DNAH9: variants seen among roughly 807,000 people sequenced by gnomAD.
The protein encoded by DNAH9 is DNAH9 variant protein.
DNAH9 carries 345 observed loss-of-function variants against 471.6 expected under a neutral mutation model. The observed-to-expected ratio is 0.73, with a 90% CI of 0.67 to 0.80. DNAH9 has a LOEUF of 0.80. Among genes scored for constraint, DNAH9 ranks in the 30% least tolerant of loss-of-function variants. The probability of loss-of-function intolerance (pLI) is 0.00; values close to 1 mark genes in which losing one functional copy is unlikely to be tolerated. For synonymous variants in DNAH9, 2,093 were observed against 2,123.6 expected, an observed-to-expected ratio of 0.99 and a Z score of 0.40; for missense variants, 5,407 against 5,609.2, an observed-to-expected ratio of 0.96 and a Z score of 1.15.
In DNAH9 at chr17:11,654,324, C is replaced by T. The variant is rs561358414; in HGVS notation, c.2595+1322C>T. ...TGAGCCGAGATTGCGCCACTGCACTCCAGCCTGGGCCACAGAGCGAGACTC... is the reference window on the plus strand; with the variant it reads ...TGAGCCGAGATTGCGCCACTGCACTTCAGCCTGGGCCACAGAGCGAGACTC... On this transcript the variant is annotated intron_variant, in intron 14 of 68. Transcript: ENST00000262442. Among the ~76,000 whole-genome samples the T allele has an allele frequency of 6.6e-4, 27 of 40,990 alleles. 4 individuals are homozygous for T. Among genetic ancestry groups the T allele is most frequent in the African/African-American group, 2.0e-3 (26 of 13,114 alleles). 26.9% of individuals were successfully genotyped at this position (40,990 alleles called of 152,430 possible).
At chr17:11,921,010 G>A (rs9893877) in intron 61 of DNAH9, among the ~76,000 whole-genome samples, 28,353 of 151,772 alleles carry the variant, frequency 0.19, 2,706 homozygotes, top group East Asian at 0.27. Flanking sequence ...TCATGGTGGC[G>A]GGCACCTGTA....
intron 31 of DNAH9, 129 bp downstream of exon 31, chr17:11,745,213 C>A: frequency 1.3e-6 from 1 of 759,576 alleles, no homozygotes; most frequent in Non-Finnish European, 2.1e-6. Flanking sequence ...AGTAATAACT[C>A]AATTCATTTC....
At chr17:11,922,290 A>C (rs1457688436) in intron 61 of DNAH9, among the ~76,000 whole-genome samples, 2 of 152,212 alleles carry the variant, frequency 1.3e-5, no homozygotes, top group Non-Finnish European at 2.9e-5. Flanking sequence ...AGTTCCTCTG[A>C]AACTAAATTT....
intron 12 of DNAH9, among the ~76,000 whole-genome samples, chr17:11,649,998 G>T (rs1252849117): frequency 6.6e-6 from 1 of 152,130 alleles, no homozygotes; most frequent in African/African-American, 2.4e-5. Context: ...ATGTTTTGTG[G>T]TTTTATGTTT....
chr17:11,948,930 GAAC>G (rs1338039437), intron 67 of DNAH9, among the ~76,000 whole-genome samples: 1 of 152,162 alleles, frequency 6.6e-6, no homozygotes, highest in African/African-American at 2.4e-5. Context: ...TCTGTGGACT[GAAC>G]GCCCGCTGCA....
intron 35 of DNAH9, among the ~76,000 whole-genome samples, chr17:11,758,090 TTGG>T (rs1967480052): frequency 6.6e-6 from 1 of 152,180 alleles, no homozygotes; most frequent in African/African-American, 2.4e-5. Context: ...ATGGCACTTA[TTGG>T]TGACCTGTGG....
At position 11,874,802 on chromosome 17, in the gene DNAH9, A is replaced by G. The variant is rs971194829; in HGVS notation, c.10243-147A>G. On this transcript the variant is annotated intron_variant, in intron 52 of 68. Coordinates refer to ENST00000262442, the MANE Select transcript of DNAH9 (RefSeq NM_001372.4). Reference sequence around the variant, plus strand: ...ACTTTAATAGAACCTGCTTCCAGAAATAATCACACAGCCAGAAAGGCATTC... The same window carrying G: ...ACTTTAATAGAACCTGCTTCCAGAAGTAATCACACAGCCAGAAAGGCATTC... The G allele has an allele frequency of 9.4e-6, 6 of 638,202 alleles. No individual in the cohort carries two copies. The East Asian group carries it at 1.1e-4, about 12-fold the overall frequency. The allele number at this position is 638,202 out of a possible 1,614,324, so 39.5% of individuals were successfully genotyped here.
intron 52 of DNAH9, among the ~76,000 whole-genome samples, chr17:11,872,692 G>A (rs1972320925): frequency 1.3e-5 from 2 of 152,012 alleles, no homozygotes; most frequent in Non-Finnish European, 2.9e-5. Context: ...AGGTTGAGGC[G>A]GGCGGATCAC....
chr17:11,763,649 A>G, intron 36 of DNAH9, 35 bp downstream of exon 36: 1 of 1,598,064 alleles, frequency 6.3e-7, no homozygotes, highest in Non-Finnish European at 8.5e-7. Context: ...AACCACACTG[A>G]AGTCTGTAGC....
intron 59 of DNAH9, among the ~76,000 whole-genome samples, chr17:11,897,649 CAT>C (rs752155521): frequency 3.9e-5 from 6 of 152,226 alleles, no homozygotes; most frequent in Non-Finnish European, 7.3e-5. Context: ...TGGAGTCAGA[CAT>C]CCCTGGATTC....
intron 14 of DNAH9, among the ~76,000 whole-genome samples, chr17:11,658,482 ATTTT>A (rs1378825452): frequency 6.6e-6 from 1 of 152,014 alleles, no homozygotes; most frequent in Non-Finnish European, 1.5e-5. Flanking sequence ...TTTATTTCCA[ATTTT>A]TTATGTCTTT....
At chr17:11,942,955 G>C (rs1974984904) in intron 67 of DNAH9, among the ~76,000 whole-genome samples, 1 of 150,178 alleles carries the variant, frequency 6.7e-6, no homozygotes, top group Non-Finnish European at 1.5e-5. Flanking sequence ...GAGTGCAGTG[G>C]TGTGATCTCG....
At chr17:11,723,746 C>T (rs1230047923) in intron 27 of DNAH9, among the ~76,000 whole-genome samples, 1 of 152,078 alleles carries the variant, frequency 6.6e-6, no homozygotes, top group Admixed American at 6.5e-5. Flanking sequence ...CAGCTCACTG[C>T]AAGCTCCACC....
intron 67 of DNAH9, among the ~76,000 whole-genome samples, chr17:11,954,870 G>A (rs1281992768): frequency 4.6e-5 from 7 of 151,718 alleles, no homozygotes; most frequent in Admixed American, 2.0e-4. Flanking sequence ...GGTCTCCACA[G>A]ATGGTAAATA....
intron 38 of DNAH9, 128 bp from the exon 39 acceptor site, chr17:11,780,881 G>C (rs1292787318): frequency 3.2e-6 from 3 of 933,376 alleles, no homozygotes; most frequent in Non-Finnish European, 3.2e-6. Flanking sequence ...TATTATTGTT[G>C]TCTTTCGCGT....
intron 11 of DNAH9, among the ~76,000 whole-genome samples, chr17:11,646,270 C>T (rs1486048567): frequency 2.0e-5 from 3 of 151,880 alleles, no homozygotes; most frequent in African/African-American, 4.8e-5. Context: ...CCACTTGCCT[C>T]GGCCTCCTGA....
At position 11,640,300 on chromosome 17, in the gene DNAH9, C is replaced by T; in HGVS notation, c.1817C>T (p.Thr606Ile). 1.2e-6 allele frequency: 2 copies of T among 1,613,934 alleles called. No homozygotes were observed. Among genetic ancestry groups the T allele is most frequent in the African/African-American group, 1.3e-5 (1 of 75,050 alleles). Residue 606 changes from threonine to isoleucine, a missense_variant, in exon 10 of 69, where the codon ACC becomes ATC. Thr to Ile is a moderately conservative substitution (Grantham distance 89, BLOSUM62 -1). Around this residue, in one of 3 missense-constraint regions of DNAH9, gnomAD observed 4,636 missense variants for 4,900.3 expected, o/e 0.95. Coordinates refer to ENST00000262442, the MANE Select transcript of DNAH9 (RefSeq NM_001372.4). ...GFSPVHKNMP[T>I]VAGGLRWAQE... is the part of the protein sequence containing the mutation. ...TCCCCGGTGCACAAGAACATGCCCA[C>T]CGTGGCTGGCGGCCTCCGCTGGGCA...
intron 54 of DNAH9, among the ~76,000 whole-genome samples, chr17:11,880,755 G>A (rs187346116): frequency 2.0e-5 from 3 of 152,220 alleles, no homozygotes; most frequent in East Asian, 1.9e-4. Context: ...TGGGGCCATC[G>A]TTGCCTTTAC....
At chr17:11,660,651 C>G (rs1161508993) in intron 14 of DNAH9, among the ~76,000 whole-genome samples, 2 of 152,144 alleles carry the variant, frequency 1.3e-5, no homozygotes, top group African/African-American at 4.8e-5. Context: ...ACTCAATGGT[C>G]ACTTTGAAGT....
Sources: gnomAD v4.1 joint callset for allele counts (sites outside exome capture counted in the v4.1 genomes callset) on GRCh38, gnomAD v4.1.1 for gene constraint, gnomAD v4.1.1 regional missense constraint, MANE v1.5 for transcripts, NCBI Gene and HGNC (gene_info 2026-07-23, HGNC 2026-07-21) for gene names.